RAPGEF5: variants seen among roughly 807,000 people sequenced by gnomAD.
The protein encoded by RAPGEF5 is Rap guanine nucleotide exchange factor 5, also known as M-Ras-regulated GEF.
RAPGEF5 carries 65 observed loss-of-function variants against 125.2 expected under a neutral mutation model. The observed-to-expected ratio is 0.52, with a 90% CI of 0.43 to 0.64. RAPGEF5 has a LOEUF of 0.64. Among genes scored for constraint, RAPGEF5 ranks in the 30% least tolerant of loss-of-function variants. The probability of loss-of-function intolerance (pLI) is 0.00; values close to 1 mark genes in which losing one functional copy is unlikely to be tolerated. For missense variants in RAPGEF5, 958 were observed against 1,048.1 expected, an observed-to-expected ratio of 0.91 and a Z score of 1.19; for synonymous variants, 391 against 385.9, an observed-to-expected ratio of 1.01 and a Z score of -0.16.
rs375450404 is a variant in RAPGEF5 at position 22,210,512 on chromosome 7, T to C, written c.996+9354A>G. On this transcript the variant is annotated intron_variant, in intron 9 of 25. Transcript: ENST00000665637. Reference sequence around the variant, plus strand: ...AGGTCACCCAGATATGCTTTATGACTCATTAAGTTTTTTGAGCCTTCTTGT... The same window carrying C: ...AGGTCACCCAGATATGCTTTATGACCCATTAAGTTTTTTGAGCCTTCTTGT... Among the ~76,000 whole-genome samples, 6 of 152,170 alleles carry C rather than the reference T, an allele frequency of 3.9e-5. No individual in the cohort carries two copies. In the East Asian group the frequency reaches 5.8e-4, roughly 15 times the overall value.
intron 6 of RAPGEF5, among the ~76,000 whole-genome samples, chr7:22,275,007 T>C (rs779838297): frequency 3.3e-5 from 5 of 152,208 alleles, no homozygotes; most frequent in Non-Finnish European, 7.3e-5. Flanking sequence ...TCGAAGCTTA[T>C]TAAAATATGG....
chr7:22,335,715 AC>A (rs147424171), intron 1 of RAPGEF5, among the ~76,000 whole-genome samples: 10,798 of 86,802 alleles, frequency 0.12, 513 homozygotes, highest in Non-Finnish European at 0.16. Context: ...CAACAAAACA[AC>A]AACAACAACA....
chr7:22,318,740 C>T (rs146864481), intron 1 of RAPGEF5, among the ~76,000 whole-genome samples: 77 of 152,298 alleles, frequency 5.1e-4, no homozygotes, highest in African/African-American at 1.7e-3. Context: ...CCACCAGACT[C>T]GAAGTCCAGT....
At chr7:22,329,772 C>T (rs1435362120) in intron 1 of RAPGEF5, among the ~76,000 whole-genome samples, 6 of 152,180 alleles carry the variant, frequency 3.9e-5, no homozygotes, top group South Asian at 2.1e-4. Context: ...TGCTGAGGTC[C>T]GAAGGCAATG....
chr7:22,118,908 A>T lies in RAPGEF5; in HGVS notation c.*3498T>A, dbSNP rs111375567. The T allele has an allele frequency of 1.8e-5, 1 of 55,340 alleles. No homozygotes were observed. Among genetic ancestry groups the T allele is most frequent in the African/African-American group, 7.1e-5 (1 of 14,138 alleles). The allele number at this position is 55,340 out of a possible 1,614,324, so 3.4% of individuals were successfully genotyped here. On this transcript the variant is annotated 3_prime_UTR_variant, in exon 26 of 26. Transcript: ENST00000665637. ...TTAAAAACTTCCCCCCCGCCCCCCC[A>T]CCAGTTTTAAGCAAAACTGGCCCAC...
At chr7:22,250,103 C>T (rs891395828) in intron 7 of RAPGEF5, among the ~76,000 whole-genome samples, 3 of 152,188 alleles carry the variant, frequency 2.0e-5, no homozygotes, top group East Asian at 3.8e-4. Flanking sequence ...AAACACTTAA[C>T]AATAAAATGT....
chr7:22,147,970 T>G (rs1011410070), intron 18 of RAPGEF5, among the ~76,000 whole-genome samples: 1 of 152,248 alleles, frequency 6.6e-6, no homozygotes, highest in Non-Finnish European at 1.5e-5. Flanking sequence ...TTTCCTATTT[T>G]TTTTAAAAAA....
At chr7:22,311,972 T>A (rs892473165) in intron 3 of RAPGEF5, among the ~76,000 whole-genome samples, 2 of 152,230 alleles carry the variant, frequency 1.3e-5, no homozygotes, top group Non-Finnish European at 2.9e-5. Context: ...CAGTCTGCTC[T>A]GAGTGTCTGA....
rs529399078 is a variant in RAPGEF5 at position 22,193,358 on chromosome 7, G to A, written c.1204+9C>T. 6.3e-7 allele frequency: 1 copy of A among 1,575,412 alleles called. No individual in the cohort carries two copies. Among genetic ancestry groups the A allele is most frequent in the Non-Finnish European group, 8.6e-7 (1 of 1,159,314 alleles). On this transcript the variant is annotated intron_variant, in intron 11 of 25. Coordinates refer to ENST00000665637, the MANE Select transcript of RAPGEF5 (RefSeq NM_012294.5). ...TCAGTCTGGAAGCATGAGCTACTCA[G>A]AGCCTTACCTGTTTCTTTGTCCTGG...
chr7:22,289,401 C>CAA (rs1391419294), intron 6 of RAPGEF5, among the ~76,000 whole-genome samples: 1 of 152,232 alleles, frequency 6.6e-6, no homozygotes, highest in African/African-American at 2.4e-5. Flanking sequence ...GCAAGCTACT[C>CAA]AAACTCTGTA....
chr7:22,304,263 C>T (rs7801771), intron 5 of RAPGEF5, among the ~76,000 whole-genome samples: 1,710 of 152,180 alleles, frequency 0.011, 27 homozygotes, highest in African/African-American at 0.038. Flanking sequence ...TACTTTAGAA[C>T]AGACAGGTCC....
At chr7:22,246,271 C>T (rs1012812811) in intron 7 of RAPGEF5, among the ~76,000 whole-genome samples, 1 of 152,114 alleles carries the variant, frequency 6.6e-6, no homozygotes, top group South Asian at 2.1e-4. Context: ...ATAGCCAAAG[C>T]AATCCTAAGC....
chr7:22,310,157 G>T (rs1583569082), intron 3 of RAPGEF5, 67 bp from the exon 4 acceptor site: 1 of 1,396,246 alleles, frequency 7.2e-7, no homozygotes. Flanking sequence ...AAACAAAAAT[G>T]ATATATAATA....
In RAPGEF5 at chr7:22,193,805, A is replaced by C. The variant is rs1405751327; in HGVS notation, c.1115+110T>G. 1.9e-6 allele frequency: 3 copies of C among 1,609,682 alleles called. No individual in the cohort carries two copies. In the South Asian group the frequency reaches 3.3e-5, roughly 18 times the overall value. Reference sequence around the variant, plus strand: ...GGAGAGGCGGAGAGAAAAGAGAGGGAGGGAGGGTAGAGGAGGCAGAGAGCG... The same window carrying C: ...GGAGAGGCGGAGAGAAAAGAGAGGGCGGGAGGGTAGAGGAGGCAGAGAGCG... On this transcript the variant is annotated intron_variant, in intron 10 of 25. Transcript: ENST00000665637.
intron 9 of RAPGEF5, among the ~76,000 whole-genome samples, chr7:22,213,485 C>T (rs1785557548): frequency 6.6e-6 from 1 of 152,178 alleles, no homozygotes; most frequent in Admixed American, 6.5e-5. Flanking sequence ...ATTCTTTCCC[C>T]AGCTAGACTG....
At chr7:22,194,974 T>C (rs958511414) in intron 9 of RAPGEF5, among the ~76,000 whole-genome samples, 2 of 152,180 alleles carry the variant, frequency 1.3e-5, no homozygotes, top group African/African-American at 2.4e-5. Context: ...AACTATAAGA[T>C]GCATGTCCGA....
intron 11 of RAPGEF5, chr7:22,191,754 G>C (rs942910413): frequency 4.5e-6 from 2 of 440,896 alleles, no homozygotes; most frequent in Non-Finnish European, 4.8e-6. Context: ...GTCATTCTCA[G>C]TGTTAAGTAG....
At chr7:22,346,866 A>C (rs984791598) in intron 1 of RAPGEF5, among the ~76,000 whole-genome samples, 1 of 152,224 alleles carries the variant, frequency 6.6e-6, no homozygotes, top group Non-Finnish European at 1.5e-5. Flanking sequence ...ATAAGCAAGA[A>C]GTCAATGTCC....
rs1783971002 is a variant in RAPGEF5 at position 22,160,965 on chromosome 7, G to A, written c.1429-350C>T. On this transcript the variant is annotated intron_variant, in intron 13 of 25. Coordinates refer to ENST00000665637, the MANE Select transcript of RAPGEF5 (RefSeq NM_012294.5). ...TAATTCCAACACTTTGGGAGGCTGA[G>A]GCAGGCAGATCATGAGTTCAGGAGA... 2.0e-5 allele frequency among the ~76,000 whole-genome samples: 3 copies of A among 152,162 alleles called. No individual in the cohort carries two copies. In the South Asian group the frequency reaches 6.2e-4, roughly 32 times the overall value.
Sources: allele counts gnomAD v4.1 joint callset (sites outside exome capture counted in the v4.1 genomes callset), GRCh38; gene constraint gnomAD v4.1.1; transcripts MANE v1.5; gene names NCBI Gene and HGNC (gene_info 2026-07-23, HGNC 2026-07-21).